APLP2: variants seen among roughly 807,000 people sequenced by gnomAD.
APLP2 encodes the protein amyloid beta precursor like protein 2.
Under a neutral mutation model 89.9 loss-of-function variants are expected in APLP2, and 53 were observed. The observed-to-expected ratio is 0.59, with a 90% CI of 0.47 to 0.74. APLP2 has a LOEUF of 0.74. APLP2 is among the 30% of genes least tolerant of loss of function. The pLI is 0.00. For synonymous variants in APLP2, 372 were observed against 348.6 expected (o/e 1.07, Z -0.75); for missense variants, 973 against 975.9 (o/e 1.00, Z 0.04).
intron 12 of APLP2, among the ~76,000 whole-genome samples, chr11:130,134,849 G>C (rs1951376975): frequency 1.3e-5 from 2 of 152,320 alleles, no homozygotes; most frequent in South Asian, 4.1e-4. Flanking sequence ...GTTCCACTGG[G>C]AGCAGCTCGG....
In APLP2 at chr11:130,129,129, G is replaced by A; in HGVS notation, c.1378G>A (p.Val460Met). The change falls in exon 10 of 17, where the codon GTG (valine) becomes ATG (methionine). Residue 460 changes from valine (V) to methionine (M), a missense_variant. Coordinates refer to ENST00000338167, the MANE Select transcript of APLP2 (RefSeq NM_001142276.2). ...GCTGGTGGAGACCCACCTGGCCCGA[G>A]TGGAAGCTATGCTGAATGACCGCCG... ...QQLVETHLAR[V>M]EAMLNDRRRM... 6.2e-7 allele frequency: 1 copy of A among 1,614,236 alleles called. No homozygotes were observed. The highest frequency in any genetic ancestry group is 8.5e-7 in the Non-Finnish European group (1 of 1,180,050).
At chr11:130,135,504 T>C (rs1951464804) in intron 12 of APLP2, 59 bp from the exon 13 acceptor site, 2 of 1,577,812 alleles carry the variant, frequency 1.3e-6, no homozygotes, top group Admixed American at 3.4e-5. Flanking sequence ...GAGCATCCTG[T>C]GCCTGGACAC....
intron 1 of APLP2, among the ~76,000 whole-genome samples, chr11:130,078,633 T>C (rs1278625254): frequency 2.0e-5 from 3 of 152,182 alleles, no homozygotes; most frequent in Non-Finnish European, 4.4e-5. Context: ...TTATCTGGAT[T>C]TTTGTGTAGA....
intron 1 of APLP2, among the ~76,000 whole-genome samples, chr11:130,105,117 A>G (rs942291139): frequency 3.9e-5 from 6 of 152,242 alleles, no homozygotes; most frequent in Non-Finnish European, 7.3e-5. Context: ...CATTTTCCAC[A>G]TATTTTAAAA....
chr11:130,102,390 C>T (rs1271434058), intron 1 of APLP2, among the ~76,000 whole-genome samples: 1 of 152,210 alleles, frequency 6.6e-6, no homozygotes, highest in Admixed American at 6.5e-5. Context: ...AACTGTGTTA[C>T]ATTGCCTTCG....
At position 130,135,694 on chromosome 11, in the gene APLP2, C is replaced by T. The variant is rs1951490872; in HGVS notation, c.1816C>T (p.Pro606Ser). ...IPPFHPFHPFPALPENEGSGV... is the reference protein window; with the variant it reads ...IPPFHPFHPFSALPENEGSGV... Reference sequence around the variant, plus strand: ...ACCGTTCCACCCCTTCCACCCCTTCCCAGCCCTACCTGAGAACGAAGGTGT... The same window carrying T: ...ACCGTTCCACCCCTTCCACCCCTTCTCAGCCCTACCTGAGAACGAAGGTGT... Residue 606 changes from proline (P) to serine (S), a missense_variant, in exon 13 of 17, where the codon CCA becomes TCA. Coordinates refer to ENST00000338167, the MANE Select transcript of APLP2 (RefSeq NM_001142276.2). 2.5e-6 allele frequency: 4 copies of T among 1,614,016 alleles called. No individual in the cohort carries two copies. The highest frequency in any genetic ancestry group is 2.5e-6 in the Non-Finnish European group (3 of 1,180,020).
At chr11:130,107,834 G>C (rs1216993995) in intron 1 of APLP2, among the ~76,000 whole-genome samples, 3 of 152,140 alleles carry the variant, frequency 2.0e-5, no homozygotes, top group Non-Finnish European at 4.4e-5. Context: ...GCTACAGTAA[G>C]CAAAACAGCA....
intron 14 of APLP2, chr11:130,140,909 CTT>C (rs5795689): frequency 1.5e-4 from 20 of 136,718 alleles, no homozygotes; most frequent in South Asian, 2.3e-4. Context: ...TTCAATGTGG[CTT>C]TTTTTTTTTT....
At chr11:130,138,810 G>C (rs1014549227) in intron 13 of APLP2, 2 of 149,122 alleles carry the variant, frequency 1.3e-5, no homozygotes, top group Non-Finnish European at 3.0e-5. Flanking sequence ...TGTTGCCCAG[G>C]CTGGTCTCGA....
chr11:130,073,479 G>T (rs1941512090), intron 1 of APLP2, among the ~76,000 whole-genome samples: 1 of 152,130 alleles, frequency 6.6e-6, no homozygotes, highest in African/African-American at 2.4e-5. Context: ...ATGCTCTTAA[G>T]TATTTTTGTT....
intron 13 of APLP2, among the ~76,000 whole-genome samples, chr11:130,138,271 T>C (rs1348658051): frequency 6.6e-6 from 1 of 152,218 alleles, no homozygotes; most frequent in Non-Finnish European, 1.5e-5. Flanking sequence ...CACAGGTTAT[T>C]CTCAGAACAC....
intron 1 of APLP2, among the ~76,000 whole-genome samples, chr11:130,074,632 A>G (rs1941776505): frequency 6.6e-6 from 1 of 152,346 alleles, no homozygotes; most frequent in South Asian, 2.1e-4. Context: ...AAGAAATTTA[A>G]AAGTACAGAT....
chr11:130,112,667 G>A (rs950304734), intron 3 of APLP2, among the ~76,000 whole-genome samples: 3 of 152,140 alleles, frequency 2.0e-5, no homozygotes, highest in African/African-American at 7.2e-5. Flanking sequence ...GTCAGTTCTT[G>A]TCTGGGCCGA....
intron 12 of APLP2, among the ~76,000 whole-genome samples, chr11:130,134,541 T>A: frequency 6.6e-6 from 1 of 152,204 alleles, no homozygotes; most frequent in East Asian, 1.9e-4. Context: ...TCTAGGATAA[T>A]GGGAAGCCGT....
Position 130,109,490 on chromosome 11 carries a change from G to A in APLP2, c.167G>A (p.Cys56Tyr). The change falls in exon 2 of 17, where the codon TGT (cysteine) becomes TAT (tyrosine). Residue 56 changes from cysteine (C) to tyrosine (Y), a missense_variant. Transcript: ENST00000338167. ...GCTGAGCCTCAAATCGCAATGTTTT[G>A]TGGGAAGTTAAATATGCATGTGAAC... is the stretch of plus-strand genomic sequence containing the variant. ...AVAEPQIAMFCGKLNMHVNIQ... is the reference protein window; with the variant it reads ...AVAEPQIAMFYGKLNMHVNIQ... 6.2e-7 allele frequency: 1 copy of A among 1,613,946 alleles called. No homozygotes were observed. Among genetic ancestry groups the A allele is most frequent in the Non-Finnish European group, 8.5e-7 (1 of 1,179,914 alleles).
chr11:130,097,154 A>G (rs532767321), intron 1 of APLP2, among the ~76,000 whole-genome samples: 3 of 152,158 alleles, frequency 2.0e-5, no homozygotes, highest in African/African-American at 7.2e-5. Context: ...TATTTTTGTT[A>G]TTTTCATGGT....
At chr11:130,104,705 G>A (rs1454577230) in intron 1 of APLP2, among the ~76,000 whole-genome samples, 1 of 152,142 alleles carries the variant, frequency 6.6e-6, no homozygotes, top group East Asian at 1.9e-4. Flanking sequence ...ATATTAGTCT[G>A]TAGCTTCACG....
At chr11:130,073,181 A>ATT (rs1440680946) in intron 1 of APLP2, among the ~76,000 whole-genome samples, 1 of 152,238 alleles carries the variant, frequency 6.6e-6, no homozygotes. Flanking sequence ...GATTTTGAAG[A>ATT]TTTAATACAG....
At chr11:130,137,174 AAATTTTAAAAG>A in intron 13 of APLP2, 1 of 1,257,544 alleles carries the variant, frequency 8.0e-7, no homozygotes, top group Non-Finnish European at 1.2e-6. Context: ...TCTAAGATAG[AAATTTTAAAAG>A]AAGCCATTTT....
Sources: gnomAD v4.1 joint callset for allele counts (sites outside exome capture counted in the v4.1 genomes callset) on GRCh38, gnomAD v4.1.1 for gene constraint, MANE v1.5 for transcripts, NCBI Gene and HGNC (gene_info 2026-07-23, HGNC 2026-07-21) for gene names.